The following HIBCH variants were observed in gnomAD, a reference collection of about 807,000 sequenced individuals.
The protein encoded by HIBCH is 3-hydroxyisobutyryl-CoA hydrolase, mitochondrial.
HIBCH carries 50 observed loss-of-function variants against 58.2 expected under a neutral mutation model. The ratio of observed to expected loss-of-function variants is 0.86; its 90% confidence interval spans 0.68 to 1.09. The LOEUF (loss-of-function observed/expected upper bound fraction) is 1.09. HIBCH is among the 50% of genes least tolerant of loss of function. The pLI, the probability that HIBCH is intolerant of heterozygous loss-of-function variation, is 0.00. For synonymous variants in HIBCH, 151 were observed against 146.9 expected (o/e 1.03, Z -0.20); for missense variants, 450 against 449.7 (o/e 1.00, Z -0.01).
intron 9 of HIBCH, among the ~76,000 whole-genome samples, chr2:190,246,901 A>G (rs553442817): frequency 7.6e-4 from 115 of 152,012 alleles, no homozygotes; most frequent in Non-Finnish European, 1.4e-3. Flanking sequence ...CAGGCCCTTG[A>G]TTGCTTTGGA....
intron 9 of HIBCH, among the ~76,000 whole-genome samples, chr2:190,247,070 C>T (rs949180432): frequency 1.4e-4 from 21 of 151,706 alleles, no homozygotes; most frequent in African/African-American, 5.1e-4. Flanking sequence ...ATGAATTTAG[C>T]ACTTTGGGTT....
intron 6 of HIBCH, among the ~76,000 whole-genome samples, chr2:190,270,993 G>A (rs147894884): frequency 2.4e-3 from 367 of 151,968 alleles, no homozygotes; most frequent in African/African-American, 8.3e-3. Context: ...ATAATTGAGA[G>A]AAAATATTTA....
intron 5 of HIBCH, among the ~76,000 whole-genome samples, chr2:190,289,908 C>G (rs760744230): frequency 1.2e-4 from 19 of 152,148 alleles, no homozygotes; most frequent in Non-Finnish European, 2.8e-4. Flanking sequence ...GACGGAGTCT[C>G]GCTTTGTTGC....
At chr2:190,302,988 T>A (rs1255645223) in intron 2 of HIBCH, among the ~76,000 whole-genome samples, 1 of 152,194 alleles carries the variant, frequency 6.6e-6, no homozygotes, top group East Asian at 1.9e-4. Flanking sequence ...GCTTTGCATA[T>A]ATACTAGGTT....
At chr2:190,199,009 T>G (rs371188415), downstream of HIBCH, among the ~76,000 whole-genome samples, 7 of 152,190 alleles carry the variant, frequency 4.6e-5, no homozygotes, top group Admixed American at 1.3e-4. Flanking sequence ...ATAGGTGGCT[T>G]TGCTATATGT....
intron 4 of HIBCH, among the ~76,000 whole-genome samples, chr2:190,291,216 T>C (rs915545398): frequency 6.6e-6 from 1 of 152,180 alleles, no homozygotes; most frequent in Non-Finnish European, 1.5e-5. Flanking sequence ...AAAACATTTA[T>C]TGAGCACCTA....
At chr2:190,309,862 TA>T (rs1281003474) in intron 2 of HIBCH, among the ~76,000 whole-genome samples, 1 of 152,182 alleles carries the variant, frequency 6.6e-6, no homozygotes, top group African/African-American at 2.4e-5. Context: ...TGATGGTTAA[TA>T]TTGACTGTCA....
intron 4 of HIBCH, among the ~76,000 whole-genome samples, chr2:190,293,837 A>C (rs1688021247): frequency 1.4e-5 from 2 of 147,640 alleles, no homozygotes; most frequent in African/African-American, 2.7e-5. Flanking sequence ...TAGTGATTAT[A>C]ATAAATACAT....
In HIBCH at chr2:190,281,454, G is replaced by A. The variant is rs917216543; in HGVS notation, c.438+6132C>T. On this transcript the variant is annotated intron_variant, in intron 6 of 13. Coordinates refer to ENST00000359678, the MANE Select transcript of HIBCH (RefSeq NM_014362.4). This position sits in a 1 kb window ranked among gnomAD's most constrained non-coding sequence, Gnocchi z 5.4. ...CCCGGGCGGTAAGCTTATAGGGGGAGGCCCAAGTCCATCACCCAAAACCAT... is the reference window on the plus strand; with the variant it reads ...CCCGGGCGGTAAGCTTATAGGGGGAAGCCCAAGTCCATCACCCAAAACCAT... Among the ~76,000 whole-genome samples the A allele has an allele frequency of 6.6e-6, 1 of 152,128 alleles. No individual in the cohort carries two copies. Among genetic ancestry groups the A allele is most frequent in the Non-Finnish European group, 1.5e-5 (1 of 68,034 alleles).
In HIBCH at chr2:190,211,252, A is replaced by G. The variant is rs1229239221; in HGVS notation, c.1011+1704T>C. Reference sequence around the variant, plus strand: ...GGTGTCTTTCAGATTTAAATCTCCAACTCATTCCTCTAATCTCTAACTCCT... The same window carrying G: ...GGTGTCTTTCAGATTTAAATCTCCAGCTCATTCCTCTAATCTCTAACTCCT... On this transcript the variant is annotated intron_variant, in intron 12 of 13. Transcript: ENST00000359678. The surrounding 1 kb of genome is among the most constrained non-coding windows in gnomAD (Gnocchi z 5.0). Among the ~76,000 whole-genome samples the G allele has an allele frequency of 6.6e-6, 1 of 151,988 alleles. No individual in the cohort carries two copies. Among genetic ancestry groups the G allele is most frequent in the Non-Finnish European group, 1.5e-5 (1 of 67,980 alleles).
downstream of HIBCH, chr2:190,199,623 T>G (rs1575684750): frequency 1.1e-6 from 1 of 932,240 alleles, no homozygotes; most frequent in African/African-American, 1.6e-5. Context: ...GATGAAAGGA[T>G]TTTTACATGC....
At chr2:190,238,767 A>C (rs1686360185) in intron 11 of HIBCH, among the ~76,000 whole-genome samples, 1 of 152,220 alleles carries the variant, frequency 6.6e-6, no homozygotes, top group African/African-American at 2.4e-5. Context: ...CCGGCCACAA[A>C]CGTCTTCTTT....
chr2:190,205,448 T>G (rs572625658), intron 13 of HIBCH, among the ~76,000 whole-genome samples: 2 of 152,314 alleles, frequency 1.3e-5, no homozygotes, highest in East Asian at 3.9e-4. Flanking sequence ...ATTTTCTAAC[T>G]TCCTAAGCCT....
intron 1 of HIBCH, among the ~76,000 whole-genome samples, chr2:190,195,342 A>C (rs1478429802): frequency 6.6e-6 from 1 of 150,378 alleles, no homozygotes; most frequent in African/African-American, 2.4e-5. Flanking sequence ...AAATACCAAG[A>C]AGCAGAACTG....
At chr2:190,260,545 T>C (rs1042089159) in intron 7 of HIBCH, 1 of 152,366 alleles carries the variant, frequency 6.6e-6, no homozygotes, top group Non-Finnish European at 1.5e-5. Flanking sequence ...AGAACCTATA[T>C]AGCCAAAGCA....
At chr2:190,275,500 G>A (rs762131130) in intron 6 of HIBCH, among the ~76,000 whole-genome samples, 4 of 152,252 alleles carry the variant, frequency 2.6e-5, no homozygotes, top group South Asian at 2.1e-4. Flanking sequence ...GATCTAGCTT[G>A]AGGTCCTAAG....
Position 190,248,081 on chromosome 2 carries a change from A to G in HIBCH, c.750+1559T>C, listed in dbSNP as rs536487925. Among the ~76,000 whole-genome samples, 21 of 151,812 alleles carry G rather than the reference A, an allele frequency of 1.4e-4. No individual in the cohort carries two copies. The East Asian group carries it at 3.7e-3, about 27-fold the overall frequency. On this transcript the variant is annotated intron_variant, in intron 9 of 13. Transcript: ENST00000359678. ...TCTGTTGTTGTTTAAGAGGTAAAAT[A>G]TTTTCCTCTTAAGTTAACAGTTATA...
At chr2:190,190,063 C>T (rs1457273307) in intron 1 of HIBCH, 4 of 152,306 alleles carry the variant, frequency 2.6e-5, no homozygotes, top group African/African-American at 9.6e-5. Flanking sequence ...AAAAACTGTT[C>T]TTATATCTTA....
At chr2:190,247,225 A>G (rs1168526689) in intron 9 of HIBCH, among the ~76,000 whole-genome samples, 2 of 152,190 alleles carry the variant, frequency 1.3e-5, no homozygotes, top group Non-Finnish European at 1.5e-5. Context: ...AACTTGATCA[A>G]AACGCTATCA....
Sources: allele counts gnomAD v4.1 joint callset (sites outside exome capture counted in the v4.1 genomes callset), GRCh38; gene constraint gnomAD v4.1.1; non-coding constraint Gnocchi (gnomAD v3.1); transcripts MANE v1.5; gene names NCBI Gene and HGNC (gene_info 2026-07-23, HGNC 2026-07-21).